Variants in TFEC observed in about 807,000 individuals in gnomAD.
TFEC encodes the protein transcription factor EC, also known as class E basic helix-loop-helix protein 34.
In TFEC, 31 loss-of-function variants were observed where a neutral mutation model predicts 41.6. The ratio of observed to expected loss-of-function variants is 0.74; its 90% CI spans 0.56 to 1.01. The LOEUF is 1.01. TFEC is among the 50% of genes least tolerant of loss of function. The probability of loss-of-function intolerance (pLI) is 0.00; values close to 1 mark genes in which losing one functional copy is unlikely to be tolerated. For synonymous variants in TFEC, 143 were observed against 140.6 expected (o/e 1.02, Z -0.12); for missense variants, 402 against 404.1 (o/e 0.99, Z 0.04).
chr7:115,950,991 C>T, intron 5 of TFEC, 42 bp from the exon 6 acceptor site: 1 of 1,299,026 alleles, frequency 7.7e-7, no homozygotes, highest in Non-Finnish European at 1.1e-6. Context: ...CATTAATGCA[C>T]AGTTCACTTT....
intron 1 of TFEC, among the ~76,000 whole-genome samples, chr7:115,987,533 T>G (rs1252092149): frequency 6.6e-6 from 1 of 152,212 alleles, no homozygotes; most frequent in Non-Finnish European, 1.5e-5. Context: ...GTATCAAGCA[T>G]GTGTGGGCAC....
intron 1 of TFEC, among the ~76,000 whole-genome samples, chr7:116,143,491 T>C (rs895883843): frequency 1.3e-5 from 2 of 152,104 alleles, no homozygotes; most frequent in African/African-American, 2.4e-5. Flanking sequence ...AAGTGCAACA[T>C]GAAAGGGACA....
At chr7:116,088,933 T>C (rs866946625) in intron 3 of TFEC, among the ~76,000 whole-genome samples, 16 of 152,164 alleles carry the variant, frequency 1.1e-4, no homozygotes, top group Admixed American at 2.0e-4. Flanking sequence ...ATGGACACAA[T>C]TGACCTTGGG....
chr7:116,056,279 G>T (rs1459934142), intron 3 of TFEC, among the ~76,000 whole-genome samples: 1 of 152,034 alleles, frequency 6.6e-6, no homozygotes, highest in African/African-American at 2.4e-5. Context: ...GCAAACCCAG[G>T]CAGAGGCTGG....
chr7:115,959,164 G>A (rs917044637), intron 3 of TFEC, among the ~76,000 whole-genome samples: 1 of 151,674 alleles, frequency 6.6e-6, no homozygotes, highest in African/African-American at 2.4e-5. Flanking sequence ...TCTTTGATGT[G>A]ACAATAGGCA....
At chr7:115,959,708 T>C (rs1024638653) in intron 3 of TFEC, among the ~76,000 whole-genome samples, 1 of 151,188 alleles carries the variant, frequency 6.6e-6, no homozygotes, top group African/African-American at 2.4e-5. Context: ...AAAAAAATCC[T>C]ATAGAATGGA....
At chr7:116,118,628 A>C (rs565716729) in intron 1 of TFEC, among the ~76,000 whole-genome samples, 1 of 151,932 alleles carries the variant, frequency 6.6e-6, no homozygotes, top group African/African-American at 2.4e-5. Flanking sequence ...AGGTATATCT[A>C]AAGAATTTAG....
At chr7:115,967,234 T>C (rs1792899400) in intron 3 of TFEC, among the ~76,000 whole-genome samples, 1 of 151,712 alleles carries the variant, frequency 6.6e-6, no homozygotes, top group African/African-American at 2.4e-5. Context: ...TATGTGTCTG[T>C]GCACTATGAT....
At chr7:116,116,642 T>TGTAAGGG (rs959616954) in intron 1 of TFEC, among the ~76,000 whole-genome samples, 2 of 151,970 alleles carry the variant, frequency 1.3e-5, no homozygotes, top group Non-Finnish European at 2.9e-5. Context: ...CAGTGCACAG[T>TGTAAGGG]GCCTGTAAGG....
At chr7:115,995,586 G>C (rs1406399497) in intron 1 of TFEC, among the ~76,000 whole-genome samples, 1 of 152,146 alleles carries the variant, frequency 6.6e-6, no homozygotes, top group Non-Finnish European at 1.5e-5. Context: ...ACAACAAATT[G>C]AACAACTAGC....
At chr7:115,963,986 T>A (rs539348617) in intron 3 of TFEC, among the ~76,000 whole-genome samples, 1 of 151,820 alleles carries the variant, frequency 6.6e-6, no homozygotes, top group Non-Finnish European at 1.5e-5. Context: ...AAGATAAGGA[T>A]GCCTATTTTC....
chr7:116,077,792 C>T (rs1354243831), intron 3 of TFEC, among the ~76,000 whole-genome samples: 1 of 151,926 alleles, frequency 6.6e-6, no homozygotes, highest in Non-Finnish European at 1.5e-5. Context: ...TACTGCTAGA[C>T]CTAAGAAATG....
At chr7:116,112,796 A>C (rs1197536227) in intron 1 of TFEC, among the ~76,000 whole-genome samples, 1 of 152,026 alleles carries the variant, frequency 6.6e-6, no homozygotes, top group East Asian at 1.9e-4. Flanking sequence ...TCAGCAAACC[A>C]ATCTAAAGAA....
chr7:115,985,363 T>C (rs1793805050), intron 1 of TFEC, among the ~76,000 whole-genome samples: 4 of 152,174 alleles, frequency 2.6e-5, no homozygotes, highest in Admixed American at 1.3e-4. Flanking sequence ...TTTAAAAGCC[T>C]GTGAACGTAG....
At chr7:116,010,721 T>C (rs1050810431) in intron 1 of TFEC, among the ~76,000 whole-genome samples, 7 of 152,196 alleles carry the variant, frequency 4.6e-5, no homozygotes, top group African/African-American at 1.7e-4. Flanking sequence ...TAATTACATA[T>C]AGGAAAATCT....
Position 116,008,693 on chromosome 7 carries a change from A to G in TFEC, c.-73+21940T>C, listed in dbSNP as rs376244932. Reference sequence around the variant, plus strand: ...CTTCAAATCTTTCTTTCCTCACAGCAGTCTGTGGATATGATATACCCATAA... The same window carrying G: ...CTTCAAATCTTTCTTTCCTCACAGCGGTCTGTGGATATGATATACCCATAA... On this transcript the variant is annotated intron_variant, in intron 1 of 7. Transcript: ENST00000265440. Among the ~76,000 whole-genome samples the G allele has an allele frequency of 8.5e-5, 13 of 152,306 alleles. No homozygotes were observed. In the East Asian group the frequency reaches 2.3e-3, roughly 27 times the overall value.
intron 1 of TFEC, among the ~76,000 whole-genome samples, chr7:115,998,249 T>C (rs1794445759): frequency 6.6e-6 from 1 of 152,132 alleles, no homozygotes; most frequent in Non-Finnish European, 1.5e-5. Flanking sequence ...TGTCATCAAC[T>C]TACCTATTTA....
intron 3 of TFEC, among the ~76,000 whole-genome samples, chr7:115,967,882 T>A (rs1792940005): frequency 6.6e-6 from 1 of 151,984 alleles, no homozygotes; most frequent in South Asian, 2.1e-4. Flanking sequence ...ACAATTAATT[T>A]AATGTAAACA....
At chr7:115,947,604 T>C (rs1441790905) in intron 6 of TFEC, among the ~76,000 whole-genome samples, 1 of 151,604 alleles carries the variant, frequency 6.6e-6, no homozygotes, top group Admixed American at 6.6e-5. Context: ...TTTTTAATGA[T>C]TGCCATTCTA....
Sources: gnomAD v4.1 joint callset for allele counts (sites outside exome capture counted in the v4.1 genomes callset) on GRCh38, gnomAD v4.1.1 for gene constraint, MANE v1.5 for transcripts, NCBI Gene and HGNC (gene_info 2026-07-23, HGNC 2026-07-21) for gene names.